The following APH1B variants were observed in gnomAD, a reference collection of about 807,000 sequenced individuals.
The protein encoded by APH1B is gamma-secretase subunit APH-1B.
In APH1B, 27 loss-of-function variants were observed where a neutral mutation model predicts 28.2. That is an observed-to-expected ratio of 0.96 (90% confidence interval 0.70 to 1.32). APH1B has a LOEUF of 1.32. Ranked by LOEUF, APH1B falls within the 40% of genes most tolerant of loss-of-function variation. APH1B has a pLI of 0.00. For synonymous variants in APH1B, 141 were observed against 124.6 expected, an observed-to-expected ratio of 1.13 and a Z score of -0.88; for missense variants, 305 against 313.6, an observed-to-expected ratio of 0.97 and a Z score of 0.21.
At chr15:63,279,122 C>T in intron 1 of APH1B, 39 bp from the exon 2 acceptor site, 1 of 1,489,126 alleles carries the variant, frequency 6.7e-7, no homozygotes, top group South Asian at 1.3e-5. Context: ...TAATCCTGTA[C>T]TGATGTTCAC....
intron 2 of APH1B, among the ~76,000 whole-genome samples, chr15:63,282,551 G>A (rs565458100): frequency 6.6e-6 from 1 of 152,168 alleles, no homozygotes; most frequent in Admixed American, 6.5e-5. Flanking sequence ...TCCAAGTTAT[G>A]TTGCTTAAAA....
intron 4 of APH1B, among the ~76,000 whole-genome samples, chr15:63,295,728 C>G (rs1461633923): frequency 6.6e-6 from 1 of 152,198 alleles, no homozygotes; most frequent in Non-Finnish European, 1.5e-5. Flanking sequence ...TTGACATATT[C>G]CCTCTATGGG....
chr15:63,289,111 A>G (rs1304421970), intron 4 of APH1B, among the ~76,000 whole-genome samples: 1 of 152,246 alleles, frequency 6.6e-6, no homozygotes, highest in African/African-American at 2.4e-5. Flanking sequence ...GGAAAAATTC[A>G]ATATTCAGTA....
Position 63,306,015 on chromosome 15 carries a change from G to T in APH1B, c.*234G>T. ...ACAGTGTAAAGCCGACTGATTCTGG[G>T]CTCCACCTTCCAGAGCTAATTGGCC... On this transcript the variant is annotated 3_prime_UTR_variant, in exon 6 of 6. Coordinates refer to ENST00000261879, the MANE Select transcript of APH1B (RefSeq NM_031301.4). 1 of 481,018 alleles carries T rather than the reference G, an allele frequency of 2.1e-6. No homozygotes were observed. Among genetic ancestry groups the T allele is most frequent in the Non-Finnish European group, 3.6e-6 (1 of 280,818 alleles). 29.8% of individuals were successfully genotyped at this position (481,018 alleles called of 1,614,324 possible). A position where few individuals can be genotyped will look rare whatever the true frequency, so the allele number is the denominator to read the frequency against.
intron 4 of APH1B, among the ~76,000 whole-genome samples, chr15:63,289,896 C>T (rs58698989): frequency 0.21 from 32,368 of 151,880 alleles, 3,719 homozygotes; most frequent in Admixed American, 0.31. Context: ...CCCAGCTACT[C>T]AGGAGGCCGA....
chr15:63,296,117 G>A (rs1421229077), intron 4 of APH1B, among the ~76,000 whole-genome samples: 1 of 152,210 alleles, frequency 6.6e-6, no homozygotes, highest in African/African-American at 2.4e-5. Flanking sequence ...ATCCCCATTA[G>A]AGAAAGTCAT....
chr15:63,299,491 G>A (rs1242467519), intron 4 of APH1B, among the ~76,000 whole-genome samples: 2 of 151,984 alleles, frequency 1.3e-5, no homozygotes, highest in Non-Finnish European at 1.5e-5. Context: ...TGCAAGCTCC[G>A]CCTCCCAGGT....
At chr15:63,295,137 C>G (rs1320765372) in intron 4 of APH1B, among the ~76,000 whole-genome samples, 1 of 152,174 alleles carries the variant, frequency 6.6e-6, no homozygotes, top group Non-Finnish European at 1.5e-5. Context: ...TGGCATAGAT[C>G]AGGTTTGAGA....
intron 4 of APH1B, among the ~76,000 whole-genome samples, chr15:63,301,302 T>C (rs2038624614): frequency 6.6e-6 from 1 of 152,248 alleles, no homozygotes; most frequent in South Asian, 2.1e-4. Flanking sequence ...GAAAGAGAGT[T>C]GTCAGACTTG....
At chr15:63,279,702 T>C (rs1038738917) in intron 2 of APH1B, among the ~76,000 whole-genome samples, 1 of 151,956 alleles carries the variant, frequency 6.6e-6, no homozygotes, top group African/African-American at 2.4e-5. Flanking sequence ...GTAAGTGTCA[T>C]GGAGACAAAC....
intron 4 of APH1B, among the ~76,000 whole-genome samples, chr15:63,295,385 G>A (rs2038554451): frequency 6.6e-6 from 1 of 152,230 alleles, no homozygotes; most frequent in African/African-American, 2.4e-5. Context: ...TCTAGCCAGT[G>A]AGTTTAGGCC....
At chr15:63,281,202 A>G (rs2038382810) in intron 2 of APH1B, among the ~76,000 whole-genome samples, 1 of 152,116 alleles carries the variant, frequency 6.6e-6, no homozygotes, top group Non-Finnish European at 1.5e-5. Flanking sequence ...GTACCAGGTA[A>G]ATGAAGTCTC....
intron 2 of APH1B, among the ~76,000 whole-genome samples, chr15:63,283,769 C>G (rs370330232): frequency 1.3e-4 from 20 of 152,258 alleles, no homozygotes; most frequent in Admixed American, 4.6e-4. Flanking sequence ...ATTACCCAAC[C>G]CACGGTCATG....
chr15:63,305,484 A>G, intron 5 of APH1B, 130 bp from the exon 6 acceptor site: 2 of 1,024,170 alleles, frequency 2.0e-6, no homozygotes, highest in Non-Finnish European at 2.9e-6. Context: ...AACGCATGAC[A>G]CACATCATAC....
chr15:63,279,406 A>C, intron 2 of APH1B, 75 bp downstream of exon 2: 1 of 1,411,594 alleles, frequency 7.1e-7, no homozygotes, highest in Admixed American at 1.8e-5. Context: ...TGAAACGTGA[A>C]TATAGTATTG....
intron 4 of APH1B, among the ~76,000 whole-genome samples, chr15:63,288,374 T>G (rs2038469569): frequency 6.6e-6 from 1 of 152,210 alleles, no homozygotes; most frequent in Non-Finnish European, 1.5e-5. Flanking sequence ...TTTAAAAATT[T>G]CTGCAGTAGT....
chr15:63,296,658 CTTTTTTT>C (rs753821606), intron 4 of APH1B, among the ~76,000 whole-genome samples: 1 of 137,448 alleles, frequency 7.3e-6, no homozygotes, highest in African/African-American at 2.7e-5. Context: ...AATGTTGTTT[CTTTTTTT>C]TTTTTTTTTT....
At chr15:63,285,444 T>C (rs936262043) in intron 2 of APH1B, among the ~76,000 whole-genome samples, 3 of 152,218 alleles carry the variant, frequency 2.0e-5, no homozygotes, top group African/African-American at 7.2e-5. Flanking sequence ...GTAAATATAA[T>C]TTAAATATTC....
chr15:63,296,170 G>A (rs926405926), intron 4 of APH1B, among the ~76,000 whole-genome samples: 1 of 152,228 alleles, frequency 6.6e-6, no homozygotes, highest in African/African-American at 2.4e-5. Context: ...ACTCCCACTT[G>A]TGCCAGCTGA....
Sources: allele counts gnomAD v4.1 joint callset (sites outside exome capture counted in the v4.1 genomes callset), GRCh38; gene constraint gnomAD v4.1.1; transcripts MANE v1.5; gene names NCBI Gene and HGNC (gene_info 2026-07-23, HGNC 2026-07-21).